ORC4: variants seen among roughly 807,000 people sequenced by gnomAD.
The protein encoded by ORC4 is origin recognition complex, subunit 4 homolog.
A neutral mutation model predicts 63.9 loss-of-function variants in ORC4; 55 were observed. The observed-to-expected ratio is 0.86, with a 90% confidence interval of 0.69 to 1.08. The LOEUF is 1.08. ORC4 is among the 50% of genes least tolerant of loss of function. The probability of loss-of-function intolerance (pLI) is 0.00; values close to 1 mark genes in which losing one functional copy is unlikely to be tolerated. For missense variants in ORC4, 511 were observed against 504.4 expected (o/e 1.01, Z -0.13); for synonymous variants, 150 against 168.5 (o/e 0.89, Z 0.85).
chr2:147,937,118 T>C (rs1411267233), intron 13 of ORC4: 1 of 152,118 alleles, frequency 6.6e-6, no homozygotes, highest in Non-Finnish European at 1.5e-5. Context: ...CCCTCCAGTA[T>C]TGTAAAATAC....
At chr2:147,985,235 T>A (rs952367928) in intron 1 of ORC4, among the ~76,000 whole-genome samples, 1 of 152,114 alleles carries the variant, frequency 6.6e-6, no homozygotes, top group Non-Finnish European at 1.5e-5. Flanking sequence ...CTCGCTCTGT[T>A]GCCCAGGCTG....
Position 147,931,959 on chromosome 2 carries a change from C to CAATT in ORC4, c.*3547_*3550dup, listed in dbSNP as rs1423916566. The CAATT allele has an allele frequency of 6.6e-6, 1 of 151,724 alleles. No individual in the cohort carries two copies. Among genetic ancestry groups the CAATT allele is most frequent in the Non-Finnish European group, 1.5e-5 (1 of 67,954 alleles). The allele number at this position is 151,724 out of a possible 1,614,324, so 9.4% of individuals were successfully genotyped here. On this transcript the variant is annotated 3_prime_UTR_variant, in exon 14 of 14. Transcript: ENST00000392857. ...ATAGTGTTGGAAGTTCTGGCCAGGG[C>CAATT]AATTAGGCAGGAGAAGGAAATAAAG...
chr2:148,021,481 T>TTGCTGCTGCTGCTGCTGC (rs773118482), upstream of ORC4: 79 of 573,410 alleles, frequency 1.4e-4, no homozygotes, highest in Admixed American at 1.7e-3. Flanking sequence ...GCTGCTGCTG[T>TTGCTGCTGCTGCTGCTGC]TGCTGCTGCT....
At chr2:147,944,813 C>T (rs1344033792) in intron 9 of ORC4, among the ~76,000 whole-genome samples, 3 of 151,714 alleles carry the variant, frequency 2.0e-5, no homozygotes, top group Non-Finnish European at 2.9e-5. Flanking sequence ...TTCTAGTCTA[C>T]TGGAATAAAA....
At chr2:148,016,030 A>C (rs1693261127) in intron 1 of ORC4, among the ~76,000 whole-genome samples, 1 of 152,206 alleles carries the variant, frequency 6.6e-6, no homozygotes. Context: ...GTAAGAACTC[A>C]ACGTCAACCA....
At chr2:147,986,794 C>T (rs1691226090) in intron 1 of ORC4, among the ~76,000 whole-genome samples, 2 of 151,206 alleles carry the variant, frequency 1.3e-5, no homozygotes, top group African/African-American at 4.9e-5. Context: ...CACACATACA[C>T]ACACACACAC....
intron 1 of ORC4, among the ~76,000 whole-genome samples, chr2:147,987,481 T>C (rs926169776): frequency 6.6e-5 from 10 of 151,684 alleles, no homozygotes; most frequent in African/African-American, 2.4e-4. Flanking sequence ...TAAGAATTAG[T>C]GGATCAAATT....
At chr2:148,018,114 A>G (rs1487030409) in intron 1 of ORC4, among the ~76,000 whole-genome samples, 1 of 152,154 alleles carries the variant, frequency 6.6e-6, no homozygotes, top group African/African-American at 2.4e-5. Flanking sequence ...AAACAAAAAA[A>G]CCTCCCAAAA....
chr2:148,021,150 G>C (rs1325972033), upstream of ORC4: 2 of 157,264 alleles, frequency 1.3e-5, no homozygotes, highest in East Asian at 1.9e-4. Flanking sequence ...AGTGGCAGAG[G>C]GGGGGCACCT....
chr2:148,018,972 T>A (rs1012990228), intron 1 of ORC4, among the ~76,000 whole-genome samples: 1 of 152,158 alleles, frequency 6.6e-6, no homozygotes, highest in African/African-American at 2.4e-5. Context: ...TCGATGTTTG[T>A]ATGCTTAAAT....
At chr2:147,976,972 A>C (rs942242247) in intron 1 of ORC4, among the ~76,000 whole-genome samples, 1 of 152,194 alleles carries the variant, frequency 6.6e-6, no homozygotes, top group Non-Finnish European at 1.5e-5. Context: ...TAAAAGACCT[A>C]ATTTTCTTAG....
At chr2:148,019,506 T>C (rs1405144483) in intron 1 of ORC4, among the ~76,000 whole-genome samples, 4 of 152,160 alleles carry the variant, frequency 2.6e-5, no homozygotes, top group African/African-American at 9.7e-5. Flanking sequence ...GCAGGAGAAC[T>C]GCTTGAACCC....
Position 147,935,670 on chromosome 2 carries a change from A to C in ORC4, c.1151T>G (p.Leu384Ter), listed in dbSNP as rs1688009564. The C allele has an allele frequency of 5.0e-6, 8 of 1,613,096 alleles. No individual in the cohort carries two copies. The highest frequency in any genetic ancestry group is 6.8e-6 in the Non-Finnish European group (8 of 1,179,786). The change falls in exon 14 of 14, where the codon TTA becomes TGA. Residue 384 changes from leucine to a stop codon, truncating the protein, a stop_gained. Coordinates refer to ENST00000392857, the MANE Select transcript of ORC4 (RefSeq NM_181741.4). LOFTEE classifies it high-confidence loss of function. The stretch of plus-strand genomic sequence containing the variant: ...TGAAGTTCTTTCCATGGGCTTTATT[A>C]ATTCTAATTGCTGCAAGTGTTCAAA... Reference protein sequence around the residue: ...KAFEHLQQLELIKPMERTSGN... With the variant: ...KAFEHLQQLE
chr2:147,974,185 C>T (rs1467194829), intron 2 of ORC4, among the ~76,000 whole-genome samples: 1 of 152,102 alleles, frequency 6.6e-6, no homozygotes, highest in African/African-American at 2.4e-5. Context: ...CAAAACAATA[C>T]ATACTTGTTC....
chr2:148,013,248 T>TA (rs890266088), intron 1 of ORC4, among the ~76,000 whole-genome samples: 57 of 147,818 alleles, frequency 3.9e-4, no homozygotes, highest in South Asian at 8.5e-4. Flanking sequence ...TATTCAGCCA[T>TA]AAAAAAAAAA....
At chr2:147,984,618 A>G (rs533032537) in intron 1 of ORC4, among the ~76,000 whole-genome samples, 1 of 152,298 alleles carries the variant, frequency 6.6e-6, no homozygotes, top group African/African-American at 2.4e-5. Context: ...CCAGAGCACT[A>G]CTATACATCA....
At chr2:147,958,768 T>C in intron 5 of ORC4, 23 bp downstream of exon 5, 2 of 1,189,428 alleles carry the variant, frequency 1.7e-6, no homozygotes, top group South Asian at 2.5e-5. Flanking sequence ...TAATCTCCAA[T>C]GGCAAAATAA....
chr2:148,013,961 C>T (rs930574649), intron 1 of ORC4, among the ~76,000 whole-genome samples: 1 of 152,110 alleles, frequency 6.6e-6, no homozygotes, highest in African/African-American at 2.4e-5. Context: ...CACCAAGTAA[C>T]TTTTGTTCTG....
At chr2:147,969,988 G>A (rs937435971) in intron 4 of ORC4, among the ~76,000 whole-genome samples, 1 of 151,936 alleles carries the variant, frequency 6.6e-6, no homozygotes, top group Admixed American at 6.6e-5. Context: ...AAAAACTAAT[G>A]GAATTGAGAA....
Sources: gnomAD v4.1 joint callset for allele counts (sites outside exome capture counted in the v4.1 genomes callset) on GRCh38, gnomAD v4.1.1 for gene constraint, MANE v1.5 for transcripts, NCBI Gene and HGNC (gene_info 2026-07-23, HGNC 2026-07-21) for gene names.